The following IGSF11 variants were observed in gnomAD, a reference collection of about 807,000 sequenced individuals.
IGSF11 encodes the protein immunoglobulin superfamily member 11, also known as CXADR like 1.
IGSF11 carries 22 observed loss-of-function variants against 41.0 expected under a neutral mutation model. The ratio of observed to expected loss-of-function variants is 0.54; its 90% confidence interval spans 0.38 to 0.77. The LOEUF is 0.77. Ranked by LOEUF, IGSF11 falls within the 30% of genes least tolerant of loss-of-function variation. The pLI, the probability that IGSF11 is intolerant of heterozygous loss-of-function variation, is 0.00. For synonymous variants in IGSF11, 219 were observed against 201.3 expected (o/e 1.09, Z -0.74); for missense variants, 444 against 530.8 (o/e 0.84, Z 1.61).
intron 1 of IGSF11, among the ~76,000 whole-genome samples, chr3:118,977,595 A>T (rs750714665): frequency 6.6e-6 from 1 of 152,232 alleles, no homozygotes; most frequent in Non-Finnish European, 1.5e-5. Flanking sequence ...GCAAGAAAGT[A>T]GAGGGAAATG....
chr3:119,051,109 C>T (rs918297163), intron 1 of IGSF11, among the ~76,000 whole-genome samples: 2 of 151,024 alleles, frequency 1.3e-5, no homozygotes, highest in East Asian at 1.9e-4. Context: ...AACTAACGTG[C>T]ACAATGTGCA....
chr3:119,033,467 A>C (rs542982232), intron 1 of IGSF11, among the ~76,000 whole-genome samples: 4 of 152,364 alleles, frequency 2.6e-5, no homozygotes, highest in African/African-American at 9.6e-5. Flanking sequence ...TTTTGATGAT[A>C]ACAGCTTCAT....
At chr3:119,081,038 T>C (rs187296536) in intron 1 of IGSF11, among the ~76,000 whole-genome samples, 50 of 152,278 alleles carry the variant, frequency 3.3e-4, no homozygotes, top group Admixed American at 6.5e-4. Flanking sequence ...GAAAGTAAAA[T>C]GAATACTCAA....
chr3:118,932,599 A>G (rs1942946469), intron 1 of IGSF11, among the ~76,000 whole-genome samples: 1 of 152,230 alleles, frequency 6.6e-6, no homozygotes, highest in Non-Finnish European at 1.5e-5. Context: ...AAGAACCTCA[A>G]CAATTAGTGA....
At chr3:119,126,232 GC>G (rs2077403582) in intron 1 of IGSF11, among the ~76,000 whole-genome samples, 1 of 152,228 alleles carries the variant, frequency 6.6e-6, no homozygotes, top group Non-Finnish European at 1.5e-5. Context: ...TGTCCCCACA[GC>G]CTAACACATT....
At chr3:118,971,419 G>T (rs1342313917) in intron 1 of IGSF11, among the ~76,000 whole-genome samples, 8 of 152,148 alleles carry the variant, frequency 5.3e-5, no homozygotes, top group African/African-American at 1.9e-4. Flanking sequence ...AATGTGGTTT[G>T]ATTTTAATTT....
chr3:118,984,206 A>G (rs2107640957), intron 1 of IGSF11, among the ~76,000 whole-genome samples: 1 of 150,800 alleles, frequency 6.6e-6, no homozygotes, highest in East Asian at 1.9e-4. Flanking sequence ...CCTCTTTTTT[A>G]CATCCTGCTG....
At chr3:118,930,852 T>C (rs867896893) in intron 1 of IGSF11, among the ~76,000 whole-genome samples, 1 of 152,324 alleles carries the variant, frequency 6.6e-6, no homozygotes, top group Middle Eastern at 3.4e-3. Flanking sequence ...AAAATCCCAG[T>C]AGTCTTTTTG....
At chr3:119,110,162 G>A (rs1391777712), upstream of IGSF11, among the ~76,000 whole-genome samples, 3 of 152,080 alleles carry the variant, frequency 2.0e-5, no homozygotes, top group Non-Finnish European at 2.9e-5. Context: ...TTTCTGTCTT[G>A]TAGATCTGAC....
chr3:118,999,440 T>C (rs1201272517), intron 1 of IGSF11, among the ~76,000 whole-genome samples: 1 of 152,162 alleles, frequency 6.6e-6, no homozygotes, highest in Non-Finnish European at 1.5e-5. Flanking sequence ...CATTGAGTAA[T>C]ATGACATATA....
At chr3:118,958,122 G>C (rs540555509) in intron 1 of IGSF11, among the ~76,000 whole-genome samples, 54 of 152,170 alleles carry the variant, frequency 3.5e-4, no homozygotes, top group African/African-American at 1.1e-3. Context: ...TTTTTCTTCT[G>C]TTTCTCAGAA....
chr3:119,103,456 G>C (rs1405945073), intron 1 of IGSF11, among the ~76,000 whole-genome samples: 1 of 151,732 alleles, frequency 6.6e-6, no homozygotes, highest in Non-Finnish European at 1.5e-5. Context: ...AATGTGATGA[G>C]TTTTTCTTAT....
intron 1 of IGSF11, among the ~76,000 whole-genome samples, chr3:119,044,124 A>G (rs1055256530): frequency 8.5e-5 from 13 of 152,238 alleles, no homozygotes; most frequent in African/African-American, 2.4e-4. Flanking sequence ...GAGGCACAAG[A>G]GAAAGGTGAA....
intron 1 of IGSF11, among the ~76,000 whole-genome samples, chr3:119,111,150 T>C (rs942984703): frequency 2.0e-5 from 3 of 152,210 alleles, no homozygotes; most frequent in African/African-American, 7.2e-5. Context: ...CTTGCTAGAT[T>C]GGGGAAGTTC....
intron 1 of IGSF11, among the ~76,000 whole-genome samples, chr3:119,056,716 A>T (rs1941850941): frequency 6.6e-6 from 1 of 152,212 alleles, no homozygotes; most frequent in Non-Finnish European, 1.5e-5. Flanking sequence ...TCATGCAAAA[A>T]GTCTCAATAA....
chr3:119,095,039 A>T (rs2076827782), intron 1 of IGSF11, among the ~76,000 whole-genome samples: 1 of 152,140 alleles, frequency 6.6e-6, no homozygotes, highest in Non-Finnish European at 1.5e-5. Flanking sequence ...CTTTCCTGAA[A>T]CCCACCCTAT....
In IGSF11 at chr3:119,129,751, A is replaced by C. The variant is rs146237692; in HGVS notation, c.-14+16062T>G. Among the ~76,000 whole-genome samples, 286 of 152,326 alleles carry C rather than the reference A, an allele frequency of 1.9e-3. 2 individuals are homozygous for C. The highest frequency in any genetic ancestry group is 6.3e-3 in the African/African-American group (261 of 41,578). On this transcript the variant is annotated intron_variant, in intron 1 of 7. Coordinates refer to the IGSF11 transcript ENST00000425327. ...TGTAATCTCAATGATTTGGGAGGCCAAGATAGGTGGATCATTTGAGCCCAG... is the reference window on the plus strand; with the variant it reads ...TGTAATCTCAATGATTTGGGAGGCCCAGATAGGTGGATCATTTGAGCCCAG...
At chr3:118,917,257 C>A (rs1238860422) in intron 4 of IGSF11, among the ~76,000 whole-genome samples, 1 of 148,038 alleles carries the variant, frequency 6.8e-6, no homozygotes, top group Non-Finnish European at 1.5e-5. Flanking sequence ...TAACTAAAAT[C>A]AGAGCAGAAC....
chr3:119,072,585 C>T (rs935575456), intron 1 of IGSF11, among the ~76,000 whole-genome samples: 18 of 152,156 alleles, frequency 1.2e-4, no homozygotes, highest in Non-Finnish European at 1.5e-5. Flanking sequence ...TCGCTGGCTT[C>T]AGGAGTGAAG....
Sources: allele counts gnomAD v4.1 joint callset (sites outside exome capture counted in the v4.1 genomes callset), GRCh38; gene constraint gnomAD v4.1.1; transcripts MANE v1.5; gene names NCBI Gene and HGNC (gene_info 2026-07-23, HGNC 2026-07-21).